Variants in CNST observed in about 807,000 individuals in gnomAD.
CNST encodes the protein consortin.
CNST carries 39 observed loss-of-function variants against 72.4 expected under a neutral mutation model. That is an observed-to-expected ratio of 0.54 (90% CI 0.42 to 0.70). The LOEUF (loss-of-function observed/expected upper bound fraction) is 0.70, where lower values mean the gene tolerates loss of function less well. Among genes scored for constraint, CNST ranks in the 30% least tolerant of loss-of-function variants. The probability of loss-of-function intolerance (pLI) is 0.00; values close to 1 mark genes in which losing one functional copy is unlikely to be tolerated. For missense variants in CNST, 871 were observed against 868.5 expected, an observed-to-expected ratio of 1.00 and a Z score of -0.04; for synonymous variants, 332 against 320.1, an observed-to-expected ratio of 1.04 and a Z score of -0.40.
At chr1:246,659,520 G>A (rs767794597) in intron 9 of CNST, among the ~76,000 whole-genome samples, 2 of 152,030 alleles carry the variant, frequency 1.3e-5, no homozygotes, top group South Asian at 2.1e-4. Context: ...GCATGAACCC[G>A]GGAGGCGGAG....
intron 6 of CNST, among the ~76,000 whole-genome samples, chr1:246,637,964 C>G (rs999966284): frequency 6.6e-6 from 1 of 152,102 alleles, no homozygotes; most frequent in African/African-American, 2.4e-5. Flanking sequence ...GTACCTGGCC[C>G]TGGGCTTGGT....
chr1:246,664,127 A>C (rs951048841), intron 10 of CNST, among the ~76,000 whole-genome samples: 1 of 152,280 alleles, frequency 6.6e-6, no homozygotes, highest in Non-Finnish European at 1.5e-5. Context: ...CAATGAAAGA[A>C]CATATTAAAT....
intron 2 of CNST, among the ~76,000 whole-genome samples, chr1:246,617,015 A>G (rs1009614891): frequency 1.3e-5 from 2 of 152,150 alleles, no homozygotes; most frequent in African/African-American, 2.4e-5. Flanking sequence ...AAGACACACA[A>G]TTCACAATTG....
rs776494504 is a variant in CNST at position 246,647,144 on chromosome 1, A to G, written c.943A>G (p.Lys315Glu). 2.5e-6 allele frequency: 4 copies of G among 1,608,174 alleles called. No homozygotes were observed. In the African/African-American group the frequency reaches 5.4e-5, roughly 22 times the overall value. ...TTATTTTTCTTCATCTTTAGAGAGT[A>G]AAACTTGTCTCGGCACAGAGTCAAG... Reference protein sequence around the residue: ...GGATTKESESKTCLGTESSKE... With the variant: ...GGATTKESESETCLGTESSKE... The change falls in exon 9 of 11, where the codon AAA becomes GAA. Residue 315 changes from lysine (K) to glutamate (E), a missense_variant. Transcript: ENST00000366513.
Position 246,663,538 on chromosome 1 carries a change from T to C in CNST, c.1973-2162T>C, listed in dbSNP as rs541715767. Among the ~76,000 whole-genome samples, 11 of 151,448 alleles carry C rather than the reference T, an allele frequency of 7.3e-5. 1 individual carries two copies. The South Asian group carries it at 2.1e-3, about 29-fold the overall frequency. On this transcript the variant is annotated intron_variant, in intron 10 of 10. Transcript: ENST00000366513. ...GGCAAATCACCTGAGGTCAGGAGTT[T>C]GAGACCAGCCTGGCCAATATGGTGA... is the stretch of plus-strand genomic sequence containing the variant.
chr1:246,569,805 G>A (rs939019492), intron 1 of CNST: 2 of 218,980 alleles, frequency 9.1e-6, no homozygotes, highest in Admixed American at 6.5e-5. Context: ...ATAGTGTTCA[G>A]TCATTTCCTG....
At chr1:246,594,707 T>G (rs1276287917) in intron 2 of CNST, among the ~76,000 whole-genome samples, 2 of 152,148 alleles carry the variant, frequency 1.3e-5, no homozygotes, top group Non-Finnish European at 2.9e-5. Context: ...AGGCGGAGGT[T>G]GCAGTGAGCC....
chr1:246,568,595 A>G (rs1259071230), intron 1 of CNST, among the ~76,000 whole-genome samples: 1 of 152,042 alleles, frequency 6.6e-6, no homozygotes, highest in African/African-American at 2.4e-5. Flanking sequence ...TGCCTTTTTG[A>G]AGTAATTTTG....
chr1:246,575,184 G>C (rs1660327349), intron 1 of CNST, among the ~76,000 whole-genome samples: 1 of 152,016 alleles, frequency 6.6e-6, no homozygotes, highest in Non-Finnish European at 1.5e-5. Context: ...AGTAGAGACG[G>C]GGTTTCATCA....
At chr1:246,652,746 T>C (rs1371153106) in intron 9 of CNST, among the ~76,000 whole-genome samples, 1 of 152,018 alleles carries the variant, frequency 6.6e-6, no homozygotes, top group Non-Finnish European at 1.5e-5. Context: ...GGCTCACGCC[T>C]GTAATCCCAG....
intron 5 of CNST, 61 bp from the exon 6 acceptor site, chr1:246,634,412 G>A: frequency 1.0e-6 from 1 of 988,124 alleles, no homozygotes; most frequent in Non-Finnish European, 1.5e-6. Context: ...CTGTTTGTTT[G>A]TTTTTTTGCT....
Position 246,647,446 on chromosome 1 carries a change from G to T in CNST, c.1245G>T (p.Glu415Asp), listed in dbSNP as rs745356529. Residue 415 changes from glutamate (E) to aspartate (D), a missense_variant, in exon 9 of 11, where the codon GAG becomes GAT. Physicochemically the swap from Glu to Asp is conservative, Grantham distance 45 (BLOSUM62 2). Coordinates refer to ENST00000366513, the MANE Select transcript of CNST (RefSeq NM_152609.3). ...TEACQDVARI[E>D]GIAEDPKVFL... ...CCTGCCAGGATGTGGCCAGAATAGA[G>T]GGCATTGCTGAAGACCCTAAGGTGT... is the stretch of plus-strand genomic sequence containing the variant. 6.2e-7 allele frequency: 1 copy of T among 1,614,142 alleles called. No individual in the cohort carries two copies. The highest frequency in any genetic ancestry group is 8.5e-7 in the Non-Finnish European group (1 of 1,180,042).
chr1:246,567,911 C>T lies in CNST; in HGVS notation c.-52+1248C>T, dbSNP rs150120939. 3.9e-3 allele frequency among the ~76,000 whole-genome samples: 592 copies of T among 152,202 alleles called. 3 individuals carry two copies. Among genetic ancestry groups the T allele is most frequent in the African/African-American group, 0.014 (568 of 41,516 alleles). On this transcript the variant is annotated intron_variant, in intron 1 of 10. Coordinates refer to ENST00000366513, the MANE Select transcript of CNST (RefSeq NM_152609.3). ...ATACACTTTTTTCCCCCTCCAGGAC[C>T]TGGAGTCCTAAATATTTTTAAATCA...
rs548693816 is a variant in CNST, at chr1:246,652,945, A to G, written c.1836+4908A>G. Among the ~76,000 whole-genome samples the G allele has an allele frequency of 1.3e-4, 20 of 151,294 alleles. No individual in the cohort carries two copies. In the South Asian group the frequency reaches 2.7e-3, roughly 21 times the overall value. On this transcript the variant is annotated intron_variant, in intron 9 of 10. Transcript: ENST00000366513. ...CGTGAACCTGGGAGGCGGAGCTTGC[A>G]GTGAGCCGAGATTGCACCACTGCAC... is the stretch of plus-strand genomic sequence containing the variant.
intron 2 of CNST, among the ~76,000 whole-genome samples, chr1:246,609,563 A>G (rs1663162974): frequency 6.6e-6 from 1 of 152,056 alleles, no homozygotes; most frequent in African/African-American, 2.4e-5. Flanking sequence ...GGCAACAAGA[A>G]CGGAACTCTG....
intron 2 of CNST, among the ~76,000 whole-genome samples, chr1:246,605,717 CCGGCCGGGGTAGGTGTCT>C (rs1662708571): frequency 1.2e-5 from 1 of 86,816 alleles, no homozygotes; most frequent in African/African-American, 3.5e-5. Context: ...TAGGTGTCTT[CCGGCCGGGGTAGGTGTCT>C]TCCGGCCGGG....
rs527663095 is a variant in CNST at position 246,566,469 on chromosome 1, G to A, written c.-246G>A. Reference sequence around the variant, plus strand: ...GCTCTATGCTCCGCGGTCGCGGGCCGCCAGCCTCCAGCCGGCCAGCCGCGA... The same window carrying A: ...GCTCTATGCTCCGCGGTCGCGGGCCACCAGCCTCCAGCCGGCCAGCCGCGA... On this transcript the variant is annotated 5_prime_UTR_variant, in exon 1 of 11. Coordinates refer to ENST00000366513, the MANE Select transcript of CNST (RefSeq NM_152609.3). 3 of 441,736 alleles carry A rather than the reference G, an allele frequency of 6.8e-6. No individual in the cohort carries two copies. Among genetic ancestry groups the A allele is most frequent in the Non-Finnish European group, 1.2e-5 (3 of 248,496 alleles). The allele number at this position is 441,736 out of a possible 1,614,324, so 27.4% of individuals were successfully genotyped here. A position where few individuals can be genotyped will look rare whatever the true frequency, so the allele number is the denominator to read the frequency against.
chr1:246,644,051 C>G (rs1226829878), intron 8 of CNST, among the ~76,000 whole-genome samples: 1 of 152,178 alleles, frequency 6.6e-6, no homozygotes, highest in Admixed American at 6.5e-5. Context: ...ATCTCCTACT[C>G]ATAGAATGGC....
chr1:246,633,082 G>A (rs986085861), intron 4 of CNST, among the ~76,000 whole-genome samples: 1 of 152,184 alleles, frequency 6.6e-6, no homozygotes, highest in African/African-American at 2.4e-5. Context: ...TTTAGTTTCT[G>A]TTTGCCGATA....
Sources: gnomAD v4.1 joint callset for allele counts (sites outside exome capture counted in the v4.1 genomes callset) on GRCh38, gnomAD v4.1.1 for gene constraint, MANE v1.5 for transcripts, NCBI Gene and HGNC (gene_info 2026-07-23, HGNC 2026-07-21) for gene names.